Variants in CCDC57 observed in about 807,000 individuals in gnomAD.
The protein encoded by CCDC57 is coiled-coil domain containing 57.
In CCDC57, 118 loss-of-function variants were observed where a neutral mutation model predicts 118.9. The observed-to-expected ratio is 0.99, with a 90% CI of 0.86 to 1.16. CCDC57 has a LOEUF of 1.16. Ranked by LOEUF, CCDC57 falls within the 50% of genes most tolerant of loss-of-function variation. The probability of loss-of-function intolerance (pLI) is 0.00; values close to 1 mark genes in which losing one functional copy is unlikely to be tolerated. For synonymous variants in CCDC57, 527 were observed against 532.9 expected (o/e 0.99, Z 0.15); for missense variants, 1,300 against 1,320.7 (o/e 0.98, Z 0.24).
chr17:82,173,959 T>C (rs1385982799), intron 11 of CCDC57, among the ~76,000 whole-genome samples: 2 of 152,174 alleles, frequency 1.3e-5, no homozygotes, highest in Non-Finnish European at 2.9e-5. Flanking sequence ...CCTGCGGCTG[T>C]GAACAACTAG....
chr17:82,134,051 G>A, intron 17 of CCDC57, 22 bp downstream of exon 16: 10 of 1,369,446 alleles, frequency 7.3e-6, no homozygotes, highest in Non-Finnish European at 9.5e-6. Context: ...AAAAATGCAT[G>A]TCTTAGATGA....
At chr17:82,180,336 G>C in intron 9 of CCDC57, among the ~76,000 whole-genome samples, 1 of 152,230 alleles carries the variant, frequency 6.6e-6, no homozygotes. Context: ...ATTCCAGCCT[G>C]GAGAGACCCT....
intron 7 of CCDC57, among the ~76,000 whole-genome samples, chr17:82,191,777 C>T (rs2047695570): frequency 6.6e-6 from 1 of 152,166 alleles, no homozygotes; most frequent in African/African-American, 2.4e-5. Flanking sequence ...AGTGATCCTC[C>T]TGCCTCTACA....
chr17:82,129,469 G>A (rs1294441086), intron 17 of CCDC57, among the ~76,000 whole-genome samples: 1 of 152,178 alleles, frequency 6.6e-6, no homozygotes, highest in Non-Finnish European at 1.5e-5. Context: ...CCCTTCCCAG[G>A]CACACCATGA....
At chr17:82,180,755 G>A (rs971967850) in intron 9 of CCDC57, among the ~76,000 whole-genome samples, 4 of 152,200 alleles carry the variant, frequency 2.6e-5, no homozygotes, top group Admixed American at 2.0e-4. Flanking sequence ...GATTACAGGC[G>A]TGAGCCACTG....
At chr17:82,129,811 G>A (rs2038055634) in intron 17 of CCDC57, among the ~76,000 whole-genome samples, 1 of 152,026 alleles carries the variant, frequency 6.6e-6, no homozygotes, top group Non-Finnish European at 1.5e-5. Flanking sequence ...AGGATCACTG[G>A]AGCCCAGAGT....
chr17:82,110,789 CCGAGG>C (rs1484476441), intron 19 of CCDC57, among the ~76,000 whole-genome samples: 1 of 152,050 alleles, frequency 6.6e-6, no homozygotes, highest in East Asian at 1.9e-4. Flanking sequence ...CTTTGGGAGG[CCGAGG>C]CGGGCGGATC....
At chr17:82,114,030 C>G (rs2035520868) in intron 19 of CCDC57, among the ~76,000 whole-genome samples, 1 of 152,238 alleles carries the variant, frequency 6.6e-6, no homozygotes, top group African/African-American at 2.4e-5. Flanking sequence ...CCTTGGCCAT[C>G]AGGAGCCTGA....
In CCDC57 at chr17:82,201,524, G is replaced by A. The variant is rs777274647; in HGVS notation, c.407+14C>T. ...CAGGCACTGCACAGGAGGGCGCGTC[G>A]GTCGGTGGCTCACCTGTGGACGCGC... On this transcript the variant is annotated intron_variant, in intron 3 of 19. Coordinates refer to ENST00000665763, the Ensembl canonical transcript of CCDC57. 84 of 1,581,828 alleles carry A rather than the reference G, an allele frequency of 5.3e-5. No individual in the cohort carries two copies. The highest frequency in any genetic ancestry group is 1.4e-4 in the East Asian group (6 of 43,586).
rs1226172615 is a variant in CCDC57, at chr17:82,179,623, C to G, written c.1212-434G>C. Among the ~76,000 whole-genome samples, 4 of 147,112 alleles carry G rather than the reference C, an allele frequency of 2.7e-5. No individual in the cohort carries two copies. In the South Asian group the frequency reaches 9.7e-4, roughly 36 times the overall value. On this transcript the variant is annotated intron_variant, in intron 9 of 19. Coordinates refer to ENST00000665763, the Ensembl canonical transcript of CCDC57. Reference sequence around the variant, plus strand: ...GTGCAGAGCAGGGTGGACCCAGCCACGGGGCGGGCGGGGATGGGAGAGCCC... The same window carrying G: ...GTGCAGAGCAGGGTGGACCCAGCCAGGGGGCGGGCGGGGATGGGAGAGCCC...
chr17:82,179,408 C>T (rs1331590189), intron 9 of CCDC57, among the ~76,000 whole-genome samples: 1 of 152,186 alleles, frequency 6.6e-6, no homozygotes, highest in Non-Finnish European at 1.5e-5. Context: ...CGGAGAAAAC[C>T]CAACACCATG....
intron 8 of CCDC57, among the ~76,000 whole-genome samples, chr17:82,187,726 C>T (rs1299133219): frequency 1.6e-5 from 1 of 61,254 alleles, no homozygotes; most frequent in African/African-American, 6.7e-5. Context: ...CGGCGGGGCT[C>T]GGCGTTGGGG....
chr17:82,163,288 G>A lies in CCDC57; in HGVS notation c.1952C>T (p.Ala651Val), dbSNP rs2043574474. 3 of 1,614,072 alleles carry A rather than the reference G, an allele frequency of 1.9e-6. No homozygotes were observed. In the African/African-American group the frequency reaches 4.0e-5, roughly 22 times the overall value. The change falls in exon 14 of 20, where the codon GCT becomes GTT. Residue 651 changes from alanine to valine, a missense_variant. Ala to Val is a moderately conservative substitution (Grantham distance 64, BLOSUM62 0). Coordinates refer to ENST00000665763, the Ensembl canonical transcript of CCDC57. ...TGCCAGTCCAGAGGATACTGGGCCA[G>A]CTTGGACAGATCCTCCTGCTTGACC...
chr17:82,139,584 G>A (rs999996755), intron 16 of CCDC57, among the ~76,000 whole-genome samples: 3 of 152,182 alleles, frequency 2.0e-5, no homozygotes, highest in Non-Finnish European at 4.4e-5. Flanking sequence ...TGGAATTCCT[G>A]ACCTCAGGTG....
chr17:82,154,055 C>G (rs1173178608), intron 15 of CCDC57: 1 of 152,370 alleles, frequency 6.6e-6, no homozygotes, highest in African/African-American at 2.4e-5. Flanking sequence ...CAACACTGCC[C>G]CCCAGTGGAC....
intron 19 of CCDC57, among the ~76,000 whole-genome samples, chr17:82,120,914 C>G (rs1009602964): frequency 1.3e-5 from 2 of 152,166 alleles, no homozygotes; most frequent in Admixed American, 6.5e-5. Context: ...CGCCACCACG[C>G]CCGGCTAATT....
rs988159653 is a variant in CCDC57 at position 82,192,668 on chromosome 17, C to T, written c.851+1088G>A. 6.6e-6 allele frequency among the ~76,000 whole-genome samples: 1 copy of T among 152,168 alleles called. No individual in the cohort carries two copies. The highest frequency in any genetic ancestry group is 1.5e-5 in the Non-Finnish European group (1 of 68,032). ...CGGTTTCCTCATCTAGGTAGAGAAC[C>T]CGGATGGGTGCCCTCACAATGCGAG... is the stretch of plus-strand genomic sequence containing the variant. On this transcript the variant is annotated intron_variant, in intron 7 of 19. Transcript: ENST00000665763. The surrounding 1 kb of genome is among the most constrained non-coding windows in gnomAD (Gnocchi z 4.0).
At chr17:82,176,589 G>A (rs1208300527) in intron 11 of CCDC57, among the ~76,000 whole-genome samples, 1 of 152,080 alleles carries the variant, frequency 6.6e-6, no homozygotes, top group Non-Finnish European at 1.5e-5. Flanking sequence ...CCAGAGCTGG[G>A]GGCCTTTGCA....
At chr17:82,194,930 T>C (rs1212452209) in intron 5 of CCDC57, among the ~76,000 whole-genome samples, 1 of 152,222 alleles carries the variant, frequency 6.6e-6, no homozygotes, top group Non-Finnish European at 1.5e-5. Context: ...GCGCCCGGCA[T>C]GGGCAGGCGT....
Sources: gnomAD v4.1 joint callset for allele counts (sites outside exome capture counted in the v4.1 genomes callset) on GRCh38, gnomAD v4.1.1 for gene constraint, Gnocchi (gnomAD v3.1) non-coding constraint, MANE v1.5 for transcripts, NCBI Gene and HGNC (gene_info 2026-07-23, HGNC 2026-07-21) for gene names.